Variants in ZFR observed in about 807,000 individuals in gnomAD.
The protein encoded by ZFR is zinc finger RNA binding protein.
Under a neutral mutation model 130.7 loss-of-function variants are expected in ZFR, and 19 were observed. The ratio of observed to expected loss-of-function variants is 0.15; its 90% CI spans 0.10 to 0.21. ZFR has a LOEUF of 0.21. Among genes scored for constraint, ZFR ranks in the 10% least tolerant of loss-of-function variants. The probability of loss-of-function intolerance (pLI) is 1.00; values close to 1 mark genes in which losing one functional copy is unlikely to be tolerated. For missense variants in ZFR, 872 were observed against 1,321.5 expected (o/e 0.66, Z 5.27); for synonymous variants, 466 against 456.9 (o/e 1.02, Z -0.25).
At chr5:32,385,230 T>C (rs530064169) in intron 15 of ZFR, among the ~76,000 whole-genome samples, 1 of 13,842 alleles carries the variant, frequency 7.2e-5, no homozygotes, top group African/African-American at 5.7e-4. Flanking sequence ...GTAAAAATAA[T>C]TTTGAAGTTT....
At position 32,417,663 on chromosome 5, in the gene ZFR, T is replaced by C. The variant is rs1275378155; in HGVS notation, c.550A>G (p.Thr184Ala). ...AAQPQPSVAE[T>A]YYQTAPKAGY... ...GAAAACCCACCTGTCTGATAGTAAGTTTCAGCAACAGAAGGCTGAGGTTGG... is the reference window on the plus strand; with the variant it reads ...GAAAACCCACCTGTCTGATAGTAAGCTTCAGCAACAGAAGGCTGAGGTTGG... The change falls in exon 4 of 20, where the codon ACT becomes GCT. Residue 184 changes from threonine (T) to alanine (A), a missense_variant. Thr to Ala is a moderately conservative substitution (Grantham distance 58, BLOSUM62 0). This residue lies in a region of ZFR where 240 missense variants were observed against 441.2 expected (regional missense o/e 0.54). Transcript: ENST00000265069. 2.5e-6 allele frequency: 4 copies of C among 1,613,490 alleles called. No individual in the cohort carries two copies. Among genetic ancestry groups the C allele is most frequent in the Admixed American group, 1.7e-5 (1 of 60,014 alleles).
chr5:32,414,917 T>C, intron 5 of ZFR, 52 bp downstream of exon 5: 1 of 1,495,866 alleles, frequency 6.7e-7, no homozygotes, highest in Non-Finnish European at 9.2e-7. Context: ...TAGTTTCTAC[T>C]AAGTCTCTTC....
At chr5:32,429,176 C>T (rs1186242976) in intron 2 of ZFR, among the ~76,000 whole-genome samples, 1 of 151,876 alleles carries the variant, frequency 6.6e-6, no homozygotes, top group Non-Finnish European at 1.5e-5. Flanking sequence ...TTAGTAGAGA[C>T]GGGGTTTCAC....
intron 9 of ZFR, among the ~76,000 whole-genome samples, chr5:32,397,638 T>C (rs1753345006): frequency 6.6e-6 from 1 of 151,992 alleles, no homozygotes; most frequent in African/African-American, 2.4e-5. Flanking sequence ...TTTTTTGTAT[T>C]TTTAGTAGAG....
At chr5:32,439,871 T>C (rs1361548756) in intron 2 of ZFR, among the ~76,000 whole-genome samples, 2 of 147,362 alleles carry the variant, frequency 1.4e-5, no homozygotes, top group Middle Eastern at 3.8e-3. Flanking sequence ...TGGGATATAA[T>C]GGGATTATTT....
At chr5:32,375,279 C>CT (rs1408230227) in intron 17 of ZFR, among the ~76,000 whole-genome samples, 1 of 152,086 alleles carries the variant, frequency 6.6e-6, no homozygotes, top group Admixed American at 6.6e-5. Context: ...ATTACTTAAA[C>CT]TGGAAAAAGA....
rs533569072 is a variant in ZFR, at chr5:32,391,004, C to G, written c.1980-567G>C. Among the ~76,000 whole-genome samples the G allele has an allele frequency of 2.0e-5, 3 of 152,304 alleles. No individual in the cohort carries two copies. The South Asian group carries it at 6.2e-4, about 32-fold the overall frequency. ...TATTAATTGTTGCCATAAGGGAATA[C>G]AATAGTCCCCACCATTCTCATCGCC... On this transcript the variant is annotated intron_variant, in intron 11 of 19. Transcript: ENST00000265069.
Position 32,397,104 on chromosome 5 carries a change from A to T in ZFR, c.1833+115T>A, listed in dbSNP as rs1753331274. The T allele has an allele frequency of 1.7e-6, 2 of 1,147,904 alleles. 1 individual carries two copies. Among genetic ancestry groups the T allele is most frequent in the Admixed American group, 5.3e-5 (2 of 37,472 alleles). 71.1% of individuals were successfully genotyped at this position (1,147,904 alleles called of 1,614,324 possible). A position where few individuals can be genotyped will look rare whatever the true frequency, so the allele number is the denominator to read the frequency against. ...CATGACATGCTAATCTTAGAATGGG[A>T]CATCATGGACTTGGCAAGCTGTGTT... On this transcript the variant is annotated intron_variant, in intron 10 of 19. Coordinates refer to ENST00000265069, the MANE Select transcript of ZFR (RefSeq NM_016107.5).
At chr5:32,360,683 A>G (rs750805489) in intron 19 of ZFR, among the ~76,000 whole-genome samples, 6 of 152,158 alleles carry the variant, frequency 3.9e-5, no homozygotes, top group Non-Finnish European at 7.4e-5. Flanking sequence ...TCTTAAGTAT[A>G]TATCTAGATA....
chr5:32,387,815 C>T (rs765779209), intron 13 of ZFR, 116 bp from the exon 14 acceptor site: 18 of 1,013,536 alleles, frequency 1.8e-5, no homozygotes, highest in Non-Finnish European at 2.2e-5. Flanking sequence ...TTCCATCAAC[C>T]GCAGTAGAAA....
At chr5:32,388,406 A>C (rs1205501909) in intron 13 of ZFR, 63 bp downstream of exon 13, 1 of 1,470,930 alleles carries the variant, frequency 6.8e-7, no homozygotes, top group Non-Finnish European at 9.4e-7. Context: ...CTATATTTCA[A>C]ATGTAAGAAG....
intron 2 of ZFR, among the ~76,000 whole-genome samples, chr5:32,428,876 T>C (rs1356421746): frequency 1.3e-5 from 2 of 152,092 alleles, no homozygotes; most frequent in Non-Finnish European, 2.9e-5. Flanking sequence ...CTTTCCGTGT[T>C]AGCAGAGACA....
At chr5:32,395,960 G>A (rs1753297640) in intron 10 of ZFR, among the ~76,000 whole-genome samples, 1 of 152,144 alleles carries the variant, frequency 6.6e-6, no homozygotes, top group Non-Finnish European at 1.5e-5. Context: ...GTTATAAGCA[G>A]CCTGGAGTCC....
chr5:32,378,245 C>T (rs1302744422), intron 17 of ZFR, among the ~76,000 whole-genome samples: 1 of 151,980 alleles, frequency 6.6e-6, no homozygotes, highest in African/African-American at 2.4e-5. Flanking sequence ...GATTGTAAAC[C>T]TAAATGTCTA....
chr5:32,376,182 T>G (rs1436591264), intron 17 of ZFR, among the ~76,000 whole-genome samples: 1 of 152,170 alleles, frequency 6.6e-6, no homozygotes, highest in Non-Finnish European at 1.5e-5. Context: ...TAATTTATCC[T>G]GGTAAAAATT....
At chr5:32,410,607 C>CA (rs375000423) in intron 5 of ZFR, among the ~76,000 whole-genome samples, 96,791 of 150,076 alleles carry the variant, frequency 0.64, 31,411 homozygotes, top group African/African-American at 0.73. Context: ...GACCTAGTCT[C>CA]AAAAAAAAAA....
At chr5:32,383,634 TG>T (rs916363670) in intron 15 of ZFR, 1 of 361,730 alleles carries the variant, frequency 2.8e-6, no homozygotes, top group Non-Finnish European at 5.6e-6. Context: ...GTAACTCTCA[TG>T]ATTTACAATT....
intron 2 of ZFR, among the ~76,000 whole-genome samples, chr5:32,421,729 C>CA (rs1304344597): frequency 2.6e-5 from 4 of 151,718 alleles, no homozygotes; most frequent in Admixed American, 2.0e-4. Flanking sequence ...AAACAAAAAA[C>CA]AAAAAAAACT....
chr5:32,414,450 T>C (rs11956648), intron 5 of ZFR, among the ~76,000 whole-genome samples: 41,332 of 152,112 alleles, frequency 0.27, 6,522 homozygotes, highest in Middle Eastern at 0.44. Context: ...AATATATAAT[T>C]ATTTAAGGAA....
Sources: allele counts gnomAD v4.1 joint callset (sites outside exome capture counted in the v4.1 genomes callset), GRCh38; gene constraint gnomAD v4.1.1; regional missense constraint gnomAD v4.1.1; transcripts MANE v1.5; gene names NCBI Gene and HGNC (gene_info 2026-07-23, HGNC 2026-07-21).